PLIN1: variants seen among roughly 807,000 people sequenced by gnomAD.
PLIN1 encodes the protein perilipin 1.
In PLIN1, 37 loss-of-function variants were observed where a neutral mutation model predicts 45.8. That is an observed-to-expected ratio of 0.81 (90% CI 0.62 to 1.06). The LOEUF is 1.06. Among genes scored for constraint, PLIN1 ranks in the 50% least tolerant of loss-of-function variants. The pLI, the probability that PLIN1 is intolerant of heterozygous loss-of-function variation, is 0.00. For synonymous variants in PLIN1, 340 were observed against 309.2 expected (o/e 1.10, Z -1.05); for missense variants, 776 against 716.5 (o/e 1.08, Z -0.95).
At chr15:89,671,448 T>G (rs958812688) in intron 4 of PLIN1, 34 bp downstream of exon 4, 2 of 1,424,412 alleles carry the variant, frequency 1.4e-6, no homozygotes, top group Admixed American at 2.0e-5. Flanking sequence ...GACGACAGAG[T>G]GCAGGGAGGC....
At chr15:89,669,852 G>T in intron 5 of PLIN1, 128 bp downstream of exon 5, 1 of 1,059,076 alleles carries the variant, frequency 9.4e-7, no homozygotes, top group Non-Finnish European at 1.4e-6. Flanking sequence ...AAATGATTAT[G>T]AATCCATCTG....
chr15:89,665,027 C>G lies in PLIN1; in HGVS notation c.*556G>C. The G allele has an allele frequency of 2.3e-6, 1 of 431,802 alleles. No individual in the cohort carries two copies. The highest frequency in any genetic ancestry group is 4.6e-6 in the Non-Finnish European group (1 of 215,238). 26.7% of individuals were successfully genotyped at this position (431,802 alleles called of 1,614,324 possible). A position where few individuals can be genotyped will look rare whatever the true frequency, so the allele number is the denominator to read the frequency against. ...TGACACTAGTATTTTAAATAAACAC[C>G]CAAGAGCTTTTGCATCTGATTGTTC... On this transcript the variant is annotated 3_prime_UTR_variant, in exon 9 of 9. Transcript: ENST00000300055.
intron 8 of PLIN1, among the ~76,000 whole-genome samples, chr15:89,666,172 G>A (rs1395292026): frequency 2.0e-5 from 3 of 152,216 alleles, no homozygotes; most frequent in African/African-American, 7.2e-5. Context: ...GCCTCCCAAA[G>A]TTTCAGGATC....
intron 6 of PLIN1, among the ~76,000 whole-genome samples, 176 bp downstream of exon 6, chr15:89,669,324 C>T (rs891357304): frequency 6.6e-6 from 1 of 152,168 alleles, no homozygotes; most frequent in Non-Finnish European, 1.5e-5. Context: ...TCCCTGTGGT[C>T]TGGAAGGCCA....
chr15:89,678,283 G>C (rs1964549859), intron 1 of PLIN1, among the ~76,000 whole-genome samples: 5 of 151,806 alleles, frequency 3.3e-5, no homozygotes, highest in Admixed American at 3.3e-4. Context: ...TCCAAGGCAG[G>C]CAGATCACCT....
At chr15:89,668,801 C>T (rs1391497348) in intron 6 of PLIN1, among the ~76,000 whole-genome samples, 2 of 152,192 alleles carry the variant, frequency 1.3e-5, no homozygotes, top group Non-Finnish European at 2.9e-5. Flanking sequence ...AATGAATGAT[C>T]CACGCCTGAT....
In PLIN1 at chr15:89,669,554, C is replaced by T; in HGVS notation, c.717G>A (p.Arg239=). The T allele has an allele frequency of 1.2e-6, 2 of 1,613,840 alleles. No homozygotes were observed. The highest frequency in any genetic ancestry group is 8.5e-7 in the Non-Finnish European group (1 of 1,180,002). ...LSRYTVQTMA[R]ALEQGHTVAM... is the part of the protein sequence containing the mutation. ...CCACGGTGTGGCCCTGCTCCAGGGC[C>T]CGGGCCATGGTCTGCACGGTGTATC... The change falls in exon 6 of 9, where the codon CGG becomes CGA. Residue 239 remains arginine, a synonymous_variant. Coordinates refer to ENST00000300055, the MANE Select transcript of PLIN1 (RefSeq NM_002666.5).
At chr15:89,670,965 T>C (rs1396964493) in intron 4 of PLIN1, among the ~76,000 whole-genome samples, 1 of 152,176 alleles carries the variant, frequency 6.6e-6, no homozygotes, top group African/African-American at 2.4e-5. Context: ...GTGAGATAGA[T>C]GAGGTCAGAG....
At chr15:89,668,472 A>G (rs1964388082) in intron 6 of PLIN1, among the ~76,000 whole-genome samples, 1 of 152,210 alleles carries the variant, frequency 6.6e-6, no homozygotes, top group African/African-American at 2.4e-5. Context: ...TATGTATGTT[A>G]GCTTTGGTAG....
chr15:89,665,150 T>A lies in PLIN1; in HGVS notation c.*433A>T, dbSNP rs145993383. On this transcript the variant is annotated 3_prime_UTR_variant, in exon 9 of 9. Transcript: ENST00000300055. Reference sequence around the variant, plus strand: ...TCACAGAGGAGTTCAGTGCTAAGAATGTGTCAAAACCTTCTGTCTGGACCT... The same window carrying A: ...TCACAGAGGAGTTCAGTGCTAAGAAAGTGTCAAAACCTTCTGTCTGGACCT... The A allele has an allele frequency of 1.4e-3, 401 of 280,226 alleles. 1 individual carries two copies. Among genetic ancestry groups the A allele is most frequent in the African/African-American group, 8.3e-3 (371 of 44,886 alleles). 17.4% of individuals were successfully genotyped at this position (280,226 alleles called of 1,614,324 possible).
chr15:89,673,325 C>A lies in PLIN1; in HGVS notation c.135G>T (p.Lys45Asn). 2 of 1,596,416 alleles carry A rather than the reference C, an allele frequency of 1.3e-6. No individual in the cohort carries two copies. Among genetic ancestry groups the A allele is most frequent in the East Asian group, 4.5e-5 (2 of 44,166 alleles). ...ECFQKTYTSTKEAHPLVASVC... is the reference protein window; with the variant it reads ...ECFQKTYTSTNEAHPLVASVC... ...CAGAGGCCACCAGGGGGTGGGCTTC[C>A]TTAGTGCTGGTGTAGGTCTTCTGGA... Residue 45 changes from lysine to asparagine, a missense_variant, in exon 3 of 9, where the codon AAG becomes AAT. Coordinates refer to ENST00000300055, the MANE Select transcript of PLIN1 (RefSeq NM_002666.5).
intron 3 of PLIN1, 56 bp downstream of exon 3, chr15:89,673,154 G>C: frequency 7.6e-7 from 1 of 1,307,544 alleles, no homozygotes. Context: ...CGGACAGACA[G>C]ACTGGAAGGT....
At position 89,667,881 on chromosome 15, in the gene PLIN1, G is replaced by T. The variant is rs1229513290; in HGVS notation, c.772-88C>A. 9 of 1,526,002 alleles carry T rather than the reference G, an allele frequency of 5.9e-6. No individual in the cohort carries two copies. The Admixed American group carries it at 1.6e-4, about 27-fold the overall frequency. The allele number at this position is 1,526,002 out of a possible 1,614,324, so 94.5% of individuals were successfully genotyped here. A position where few individuals can be genotyped will look rare whatever the true frequency, so the allele number is the denominator to read the frequency against. On this transcript the variant is annotated intron_variant, in intron 6 of 8. Transcript: ENST00000300055. ...GCAGCCCAAGCCCCTCGCCCCCAGG[G>T]TCCGGGCCAGGTGGTGAGCAGGGCT... is the stretch of plus-strand genomic sequence containing the variant.
intron 2 of PLIN1, among the ~76,000 whole-genome samples, chr15:89,674,292 T>G (rs1964484175): frequency 6.6e-6 from 1 of 152,224 alleles, no homozygotes; most frequent in South Asian, 2.1e-4. Flanking sequence ...GGTTTCACTC[T>G]GTTGCTCAAA....
In PLIN1 at chr15:89,664,396, G is replaced by A. The variant is rs75824207; in HGVS notation, c.*1187C>T. 2.7e-3 allele frequency: 389 copies of A among 145,448 alleles called. 2 individuals are homozygous for A. The highest frequency in any genetic ancestry group is 3.8e-3 in the Non-Finnish European group (260 of 67,580). 9.0% of individuals were successfully genotyped at this position (145,448 alleles called of 1,614,324 possible). A position where few individuals can be genotyped will look rare whatever the true frequency, so the allele number is the denominator to read the frequency against. On this transcript the variant is annotated 3_prime_UTR_variant, in exon 9 of 9. Transcript: ENST00000300055. ...TGATAAGGACATTTATTATAGCATC[G>A]TTTGCAGTAGCAAAAAAGAAAAAAA...
At chr15:89,667,248 C>T in intron 7 of PLIN1, 67 bp from the exon 8 acceptor site, 5 of 1,600,404 alleles carry the variant, frequency 3.1e-6, no homozygotes, top group East Asian at 2.2e-5. Context: ...CCCACCAGCC[C>T]CAGGGCTAGA....
chr15:89,667,233 C>T, intron 7 of PLIN1, 52 bp from the exon 8 acceptor site: 1 of 1,606,760 alleles, frequency 6.2e-7, no homozygotes, highest in Non-Finnish European at 8.5e-7. Flanking sequence ...CCTGACCCTT[C>T]CCTCCCCACC....
At chr15:89,676,052 G>GAA (rs8179059) in intron 2 of PLIN1, among the ~76,000 whole-genome samples, 495 of 150,362 alleles carry the variant, frequency 3.3e-3, no homozygotes, top group Admixed American at 5.9e-3. Context: ...AAAGTAAAAA[G>GAA]AAAAAAAAAC....
At chr15:89,668,113 C>T (rs564810413) in intron 6 of PLIN1, among the ~76,000 whole-genome samples, 43 of 152,358 alleles carry the variant, frequency 2.8e-4, no homozygotes, top group African/African-American at 9.9e-4. Flanking sequence ...GACCACAGTC[C>T]TGCTCTCTGT....
Sources: gnomAD v4.1 joint callset for allele counts (sites outside exome capture counted in the v4.1 genomes callset) on GRCh38, gnomAD v4.1.1 for gene constraint, MANE v1.5 for transcripts, NCBI Gene and HGNC (gene_info 2026-07-23, HGNC 2026-07-21) for gene names.